Variants in LIPI observed in about 807,000 individuals in gnomAD.
LIPI encodes lipase I.
A neutral mutation model predicts 50.6 loss-of-function variants in LIPI; 59 were observed. The ratio of observed to expected loss-of-function variants is 1.16; its 90% confidence interval spans 0.94 to 1.45. The LOEUF is 1.45. Ranked by LOEUF, LIPI falls within the 40% of genes most tolerant of loss-of-function variation. The pLI is 0.00. For synonymous variants in LIPI, 203 were observed against 178.2 expected, an observed-to-expected ratio of 1.14 and a Z score of -1.11; for missense variants, 586 against 536.3, an observed-to-expected ratio of 1.09 and a Z score of -0.92.
intron 4 of LIPI, among the ~76,000 whole-genome samples, chr21:14,180,068 T>C (rs454923): frequency 0.51 from 76,836 of 151,724 alleles, 19,911 homozygotes; most frequent in Non-Finnish European, 0.56. Flanking sequence ...GATCTATAAA[T>C]GGCCGCTCTG....
chr21:14,110,196 T>C (rs2016346975), intron 9 of LIPI, among the ~76,000 whole-genome samples: 1 of 151,774 alleles, frequency 6.6e-6, no homozygotes, highest in Admixed American at 6.6e-5. Flanking sequence ...AATCCATATA[T>C]ATTATACCAA....
In LIPI at chr21:14,181,787, A is replaced by G. The variant is rs1910054391; in HGVS notation, c.614T>C (p.Phe205Ser). 2 of 1,611,264 alleles carry G rather than the reference A, an allele frequency of 1.2e-6. No individual in the cohort carries two copies. The highest frequency in any genetic ancestry group is 1.3e-5 in the African/African-American group (1 of 74,842). The change falls in exon 4 of 10, where the codon TTT becomes TCT. Residue 205 changes from phenylalanine to serine, a missense_variant. By Grantham distance (155) the Phe-to-Ser change is radical. Transcript: ENST00000681601. Reference protein sequence around the residue: ...YSRLDYTDAKFVDVIHSDSNG... With the variant: ...YSRLDYTDAKSVDVIHSDSNG... ...GGAGTCAGAATGGATGACATCCACA[A>G]ACTTTGCATCCGTGTAATCTAATCT...
At chr21:14,173,599 C>T (rs2018995266) in intron 4 of LIPI, among the ~76,000 whole-genome samples, 2 of 152,174 alleles carry the variant, frequency 1.3e-5, no homozygotes, top group South Asian at 2.1e-4. Context: ...TCCTACAACA[C>T]AGTGAACTCA....
chr21:14,152,630 G>C lies in LIPI; in HGVS notation c.1061C>G (p.Ser354Trp). The C allele has an allele frequency of 6.3e-7, 1 of 1,590,174 alleles. No individual in the cohort carries two copies. Among genetic ancestry groups the C allele is most frequent in the Admixed American group, 1.7e-5 (1 of 59,806 alleles). ...IVPDKTMMDG[S>W]FSFKLLNQLG... ...CTGATTTAATAATTTAAATGAAAAC[G>C]AGCCATCCATCATAGTTTTATCTGG... is the stretch of plus-strand genomic sequence containing the variant. The change falls in exon 8 of 10, where the codon TCG (serine) becomes TGG (tryptophan). Residue 354 changes from serine (S) to tryptophan (W), a missense_variant. By Grantham distance (177) the Ser-to-Trp change is radical. Transcript: ENST00000681601.
In LIPI at chr21:14,161,819, C is replaced by CTT. The variant is rs1281207340; in HGVS notation, c.1006+1599_1006+1600insAA. Among the ~76,000 whole-genome samples, 58 of 22,602 alleles carry CTT rather than the reference C, an allele frequency of 2.6e-3. 16 individuals are homozygous for CTT. Among genetic ancestry groups the CTT allele is most frequent in the African/African-American group, 0.018 (58 of 3,300 alleles). 14.8% of individuals were successfully genotyped at this position (22,602 alleles called of 152,430 possible). The stretch of plus-strand genomic sequence containing the variant: ...ATTATATATTAATGTATAATATATA[C>CTT]AAATATATATTAATATATAATATAT... On this transcript the variant is annotated intron_variant, in intron 7 of 9. Transcript: ENST00000681601.
chr21:14,182,266 G>T (rs2019299438), intron 3 of LIPI, among the ~76,000 whole-genome samples: 1 of 152,140 alleles, frequency 6.6e-6, no homozygotes, highest in Non-Finnish European at 1.5e-5. Context: ...AGATAGACCT[G>T]AAAAGCTTTT....
chr21:14,126,211 C>G (rs1010440144), intron 9 of LIPI, among the ~76,000 whole-genome samples: 1 of 152,096 alleles, frequency 6.6e-6, no homozygotes, highest in African/African-American at 2.4e-5. Context: ...CTATCCAAGA[C>G]AAATGAAAAC....
intron 3 of LIPI, among the ~76,000 whole-genome samples, chr21:14,182,392 G>A (rs1401899448): frequency 6.6e-6 from 1 of 152,108 alleles, no homozygotes; most frequent in Admixed American, 6.6e-5. Context: ...ATTCCATGGA[G>A]TGTGAATATT....
intron 8 of LIPI, among the ~76,000 whole-genome samples, chr21:14,145,840 C>A (rs1363897967): frequency 2.0e-5 from 3 of 152,080 alleles, no homozygotes; most frequent in Admixed American, 6.6e-5. Context: ...GCACTCCCTG[C>A]CATCTCATAT....
chr21:14,168,109 G>A (rs547100200), intron 4 of LIPI, among the ~76,000 whole-genome samples: 2 of 152,154 alleles, frequency 1.3e-5, no homozygotes, highest in African/African-American at 4.8e-5. Context: ...GGAAGAAAGG[G>A]TATCAGTGAT....
At chr21:14,160,160 A>G (rs2018412548) in intron 7 of LIPI, among the ~76,000 whole-genome samples, 1 of 151,384 alleles carries the variant, frequency 6.6e-6, no homozygotes, top group Admixed American at 6.6e-5. Context: ...TACATACACT[A>G]GAAGATCTAA....
intron 1 of LIPI, among the ~76,000 whole-genome samples, chr21:14,203,704 G>A (rs2020141163): frequency 6.6e-6 from 1 of 152,016 alleles, no homozygotes; most frequent in Non-Finnish European, 1.5e-5. Flanking sequence ...GTAGGGGGGA[G>A]GGATAGCATT....
intron 4 of LIPI, among the ~76,000 whole-genome samples, chr21:14,168,810 A>G (rs1440599833): frequency 6.6e-6 from 1 of 152,230 alleles, no homozygotes; most frequent in Non-Finnish European, 1.5e-5. Context: ...GCATCAACTA[A>G]CAAGCAAAAT....
chr21:14,150,802 G>C (rs1369329305), intron 8 of LIPI, among the ~76,000 whole-genome samples: 2 of 152,150 alleles, frequency 1.3e-5, no homozygotes, highest in African/African-American at 2.4e-5. Flanking sequence ...GATGGGTCTT[G>C]ACGAAAGTCA....
At chr21:14,141,386 GTTTT>G (rs34169754) in intron 9 of LIPI, among the ~76,000 whole-genome samples, 3 of 149,856 alleles carry the variant, frequency 2.0e-5, no homozygotes, top group Admixed American at 6.7e-5. Flanking sequence ...AACTTTAGTT[GTTTT>G]TTTTTTTTTA....
intron 9 of LIPI, among the ~76,000 whole-genome samples, chr21:14,139,333 C>A (rs902028724): frequency 6.6e-6 from 1 of 152,058 alleles, no homozygotes; most frequent in African/African-American, 2.4e-5. Flanking sequence ...CAACAATATA[C>A]TTTTTTTACA....
intron 9 of LIPI, among the ~76,000 whole-genome samples, chr21:14,123,209 A>G (rs1568834480): frequency 6.6e-6 from 1 of 152,182 alleles, no homozygotes. Context: ...AGACTTTCAG[A>G]CTCCCGTAGG....
intron 9 of LIPI, among the ~76,000 whole-genome samples, chr21:14,116,654 C>A (rs1224005457): frequency 2.0e-5 from 3 of 152,070 alleles, no homozygotes; most frequent in Non-Finnish European, 2.9e-5. Context: ...AAATAATTGG[C>A]CAAGTGTTTT....
chr21:14,112,707 T>C (rs991724451), intron 9 of LIPI, among the ~76,000 whole-genome samples: 1 of 152,130 alleles, frequency 6.6e-6, no homozygotes, highest in African/African-American at 2.4e-5. Flanking sequence ...GCATTTTGTT[T>C]TTAAAAATGG....
Sources: allele counts gnomAD v4.1 joint callset (sites outside exome capture counted in the v4.1 genomes callset), GRCh38; gene constraint gnomAD v4.1.1; transcripts MANE v1.5; gene names NCBI Gene and HGNC (gene_info 2026-07-23, HGNC 2026-07-21).